HS6ST3: variants seen among roughly 807,000 people sequenced by gnomAD.
The protein encoded by HS6ST3 is heparan sulfate 6-O-sulfotransferase 3, also known as heparan-sulfate 6-O-sulfotransferase 3.
HS6ST3 carries 12 observed loss-of-function variants against 36.7 expected under a neutral mutation model. That is an observed-to-expected ratio of 0.33 (90% CI 0.21 to 0.53). HS6ST3 has a LOEUF of 0.53. HS6ST3 is among the 20% of genes least tolerant of loss of function. The pLI, the probability that HS6ST3 is intolerant of heterozygous loss-of-function variation, is 0.95. For missense variants in HS6ST3, 584 were observed against 640.9 expected, an observed-to-expected ratio of 0.91 and a Z score of 0.96; for synonymous variants, 240 against 257.5, an observed-to-expected ratio of 0.93 and a Z score of 0.65.
At chr13:96,820,360 T>C (rs923547036) in intron 1 of HS6ST3, among the ~76,000 whole-genome samples, 1 of 152,194 alleles carries the variant, frequency 6.6e-6, no homozygotes, top group African/African-American at 2.4e-5. Context: ...GAGGCTCTAA[T>C]AATCATGGAG....
At chr13:96,753,885 T>A (rs1295124410) in intron 1 of HS6ST3, among the ~76,000 whole-genome samples, 2 of 152,158 alleles carry the variant, frequency 1.3e-5, no homozygotes, top group African/African-American at 4.8e-5. Flanking sequence ...AGTGGCATGA[T>A]CTTGCCTCAC....
chr13:96,572,348 A>G (rs1009636461), intron 1 of HS6ST3, among the ~76,000 whole-genome samples: 3 of 152,082 alleles, frequency 2.0e-5, no homozygotes, highest in Non-Finnish European at 2.9e-5. Flanking sequence ...TTACCTCTCT[A>G]CTCTCTGGAG....
chr13:96,397,291 G>A lies in HS6ST3; in HGVS notation c.707+305722G>A, dbSNP rs1300977013. ...GTATATACTTTTAAAGCGTGTTGTA[G>A]ACTTATTAAATATGACTTAGCATTT... On this transcript the variant is annotated intron_variant, in intron 1 of 1. Transcript: ENST00000376705. 2.0e-5 allele frequency among the ~76,000 whole-genome samples: 3 copies of A among 152,248 alleles called. No individual in the cohort carries two copies. The East Asian group carries it at 5.8e-4, about 29-fold the overall frequency.
At chr13:96,506,984 G>T (rs1390259345) in intron 1 of HS6ST3, among the ~76,000 whole-genome samples, 2 of 152,096 alleles carry the variant, frequency 1.3e-5, no homozygotes. Flanking sequence ...AATATTGTGT[G>T]CTTGGATTTA....
chr13:96,330,944 C>T lies in HS6ST3; in HGVS notation c.707+239375C>T, dbSNP rs1161701496. Among the ~76,000 whole-genome samples the T allele has an allele frequency of 5.3e-5, 8 of 151,840 alleles. No homozygotes were observed. In the East Asian group the frequency reaches 7.8e-4, roughly 15 times the overall value. On this transcript the variant is annotated intron_variant, in intron 1 of 1. Coordinates refer to ENST00000376705, the MANE Select transcript of HS6ST3 (RefSeq NM_153456.4). ...TCATTTCATTCATTTCATCTTCCATCGCTGATACCCTTTCTTCCAGTTGAT... is the reference window on the plus strand; with the variant it reads ...TCATTTCATTCATTTCATCTTCCATTGCTGATACCCTTTCTTCCAGTTGAT...
At chr13:96,617,566 G>A (rs1158227067) in intron 1 of HS6ST3, among the ~76,000 whole-genome samples, 1 of 152,154 alleles carries the variant, frequency 6.6e-6, no homozygotes, top group Non-Finnish European at 1.5e-5. Flanking sequence ...TTCATGAAGG[G>A]TTAGAGTTTA....
intron 1 of HS6ST3, among the ~76,000 whole-genome samples, chr13:96,348,782 T>C (rs1373916071): frequency 6.6e-6 from 1 of 152,218 alleles, no homozygotes; most frequent in African/African-American, 2.4e-5. Context: ...CAATCTCTTT[T>C]CATCTGCATC....
At chr13:96,520,338 G>GA (rs397970132) in intron 1 of HS6ST3, among the ~76,000 whole-genome samples, 1 of 151,730 alleles carries the variant, frequency 6.6e-6, no homozygotes. Flanking sequence ...GGCTATGCGG[G>GA]CTCTGTTTTG....
At chr13:96,588,711 G>A (rs1235670107) in intron 1 of HS6ST3, among the ~76,000 whole-genome samples, 3 of 151,996 alleles carry the variant, frequency 2.0e-5, no homozygotes, top group African/African-American at 4.8e-5. Flanking sequence ...TAGTATGTTT[G>A]TGTTTAGTAT....
At chr13:96,294,908 G>C (rs2054847436) in intron 1 of HS6ST3, among the ~76,000 whole-genome samples, 1 of 152,048 alleles carries the variant, frequency 6.6e-6, no homozygotes, top group South Asian at 2.1e-4. Flanking sequence ...GCATGTGATG[G>C]AAACCCTGCC....
intron 1 of HS6ST3, among the ~76,000 whole-genome samples, chr13:96,692,740 C>T (rs968401050): frequency 3.3e-5 from 5 of 152,022 alleles, no homozygotes; most frequent in Non-Finnish European, 7.4e-5. Context: ...AATTTGTAAA[C>T]AAAAATGTAT....
intron 1 of HS6ST3, among the ~76,000 whole-genome samples, chr13:96,279,290 C>G (rs1309694476): frequency 6.6e-6 from 1 of 152,104 alleles, no homozygotes; most frequent in Non-Finnish European, 1.5e-5. Flanking sequence ...CACATACTTA[C>G]ATTAATGATT....
intron 1 of HS6ST3, among the ~76,000 whole-genome samples, chr13:96,427,650 A>G (rs1039334581): frequency 2.6e-5 from 4 of 152,226 alleles, no homozygotes; most frequent in African/African-American, 9.6e-5. Flanking sequence ...TTTCCCTAAT[A>G]TTTAACATCT....
At chr13:96,408,352 G>A (rs1314178972) in intron 1 of HS6ST3, among the ~76,000 whole-genome samples, 1 of 152,066 alleles carries the variant, frequency 6.6e-6, no homozygotes, top group Non-Finnish European at 1.5e-5. Flanking sequence ...CAGTGGCAAT[G>A]GCTCACAAAA....
intron 1 of HS6ST3, among the ~76,000 whole-genome samples, chr13:96,370,984 C>T (rs1190317109): frequency 6.6e-6 from 1 of 152,132 alleles, no homozygotes; most frequent in Non-Finnish European, 1.5e-5. Context: ...TTTGGTTTTG[C>T]TGGATTTTGA....
At chr13:96,826,632 G>A (rs1465418083) in intron 1 of HS6ST3, among the ~76,000 whole-genome samples, 2 of 152,048 alleles carry the variant, frequency 1.3e-5, no homozygotes, top group African/African-American at 4.8e-5. Context: ...GCTGGTCCAG[G>A]GAAGATATGC....
At chr13:96,226,622 C>CTA (rs2054482305) in intron 1 of HS6ST3, among the ~76,000 whole-genome samples, 1 of 152,172 alleles carries the variant, frequency 6.6e-6, no homozygotes, top group South Asian at 2.1e-4. Context: ...TGTGAACCTT[C>CTA]TAACACATAC....
At chr13:96,480,826 C>T (rs951277024) in intron 1 of HS6ST3, among the ~76,000 whole-genome samples, 2 of 152,172 alleles carry the variant, frequency 1.3e-5, no homozygotes, top group African/African-American at 2.4e-5. Flanking sequence ...GACTATCCTA[C>T]ATTGTGGATT....
chr13:96,306,795 T>A (rs2054916051), intron 1 of HS6ST3, among the ~76,000 whole-genome samples: 2 of 152,310 alleles, frequency 1.3e-5, no homozygotes, highest in South Asian at 4.1e-4. Context: ...TAGCTCTGTA[T>A]CTTCAAGAGA....
Sources: allele counts gnomAD v4.1 joint callset (sites outside exome capture counted in the v4.1 genomes callset), GRCh38; gene constraint gnomAD v4.1.1; transcripts MANE v1.5; gene names NCBI Gene and HGNC (gene_info 2026-07-23, HGNC 2026-07-21).